Variants in NEDD4 observed in about 807,000 individuals in gnomAD.
The protein encoded by NEDD4 is E3 ubiquitin-protein ligase NEDD4.
NEDD4 carries 99 observed loss-of-function variants against 144.9 expected under a neutral mutation model. The observed-to-expected ratio is 0.68, with a 90% confidence interval of 0.58 to 0.81. The LOEUF is 0.81. Among genes scored for constraint, NEDD4 ranks in the 30% least tolerant of loss-of-function variants. NEDD4 has a pLI of 0.00. For missense variants in NEDD4, 985 were observed against 1,065.9 expected (o/e 0.92, Z 1.06); for synonymous variants, 318 against 350.6 (o/e 0.91, Z 1.04).
chr15:55,885,459 T>A (rs1222273144), intron 5 of NEDD4, among the ~76,000 whole-genome samples: 1 of 152,046 alleles, frequency 6.6e-6, no homozygotes, highest in Non-Finnish European at 1.5e-5. Context: ...GTAGAAAGAC[T>A]AAAAGATGAA....
At chr15:55,916,089 A>G (rs2036433135) in intron 5 of NEDD4, 2 of 1,614,000 alleles carry the variant, frequency 1.2e-6, no homozygotes, top group African/African-American at 2.7e-5. Context: ...TGGCAATTTC[A>G]TAATCTCTAA....
chr15:55,832,893 T>C (rs2033020724), intron 27 of NEDD4, 115 bp downstream of exon 27: 5 of 697,338 alleles, frequency 7.2e-6, no homozygotes, highest in Non-Finnish European at 1.2e-5. Context: ...AAATCTTAAT[T>C]CTTTTTAAAA....
intron 26 of NEDD4, 46 bp from the exon 27 acceptor site, chr15:55,833,150 G>T: frequency 1.7e-6 from 2 of 1,203,640 alleles, no homozygotes; most frequent in Non-Finnish European, 2.4e-6. Context: ...CTGGGAAAGA[G>T]GTAAACAAAT....
In NEDD4 at chr15:55,913,938, T is replaced by G. The variant is rs2036352429; in HGVS notation, c.291+10708A>C. On this transcript the variant is annotated intron_variant, in intron 5 of 28. Coordinates refer to ENST00000435532, the MANE Select transcript of NEDD4 (RefSeq NM_006154.4). ...ATTAACGTTTCTTCTCAGTGCCACT[T>G]CATTTCTTTCTTTCAGGAAGAAAAA... Among the ~76,000 whole-genome samples the G allele has an allele frequency of 2.6e-5, 4 of 152,106 alleles. No individual in the cohort carries two copies. In the South Asian group the frequency reaches 8.3e-4, roughly 32 times the overall value.
In NEDD4 at chr15:55,860,511, G is replaced by C. The variant is rs774667888; in HGVS notation, c.856C>G (p.Pro286Ala). ...MYSNQAFPSP[P>A]PSSNLDVPTH... is the part of the protein sequence containing the mutation. The stretch of plus-strand genomic sequence containing the variant: ...GGAACATCCAAGTTACTTGACGGTG[G>C]AGGTGATGGGAAGGCCTGGTTGCTA... Residue 286 changes from proline to alanine, a missense_variant, in exon 11 of 29, where the codon CCA (proline) becomes GCA (alanine). Pro to Ala is a conservative substitution (Grantham distance 27). Transcript: ENST00000435532. 2 of 1,614,110 alleles carry C rather than the reference G, an allele frequency of 1.2e-6. No homozygotes were observed. The highest frequency in any genetic ancestry group is 1.1e-5 in the South Asian group (1 of 91,080).
intron 20 of NEDD4, 40 bp downstream of exon 20, chr15:55,840,566 C>A (rs201328988): frequency 1.9e-5 from 31 of 1,612,994 alleles, no homozygotes; most frequent in Middle Eastern, 3.3e-4. Context: ...TGAAAGAAAA[C>A]AGGTAATTAT....
intron 4 of NEDD4, among the ~76,000 whole-genome samples, chr15:55,936,698 C>A (rs1234624169): frequency 6.6e-6 from 1 of 152,098 alleles, no homozygotes; most frequent in Non-Finnish European, 1.5e-5. Context: ...TTCTTATGCA[C>A]AGAGTAAATA....
Position 55,838,492 on chromosome 15 carries a change from G to C in NEDD4, c.2127+17C>G. ...TCACAATTTATGTGCCATTTTAACT[G>C]ATCAAAATTCACAAACCTGTCCAAA... On this transcript the variant is annotated intron_variant, in intron 22 of 28. Transcript: ENST00000435532. 6.4e-7 allele frequency: 1 copy of C among 1,554,296 alleles called. No individual in the cohort carries two copies. The highest frequency in any genetic ancestry group is 8.9e-7 in the Non-Finnish European group (1 of 1,127,052).
At chr15:55,901,000 T>C (rs1381732434) in intron 5 of NEDD4, among the ~76,000 whole-genome samples, 1 of 152,186 alleles carries the variant, frequency 6.6e-6, no homozygotes, top group Non-Finnish European at 1.5e-5. Flanking sequence ...TTTTCACATA[T>C]AATAAACTCA....
rs202095078 is a variant in NEDD4 at position 55,852,451 on chromosome 15, C to T, written c.1119G>A (p.Thr373=). 1.9e-4 allele frequency: 310 copies of T among 1,611,962 alleles called. 1 individual carries two copies. Among genetic ancestry groups the T allele is most frequent in the Non-Finnish European group, 2.6e-4 (306 of 1,178,924 alleles). Reference sequence around the variant, plus strand: ...GTACAGTGGGCTTTGTCCAAGTAGTCGTTCTGGAATTGTGATCTACATAAT... The same window carrying T: ...GTACAGTGGGCTTTGTCCAAGTAGTTGTTCTGGAATTGTGATCTACATAAT... ...RSYYVDHNSR[T]TTWTKPTVQA... The change falls in exon 13 of 29, where the codon ACG becomes ACA. Residue 373 remains threonine (T), a synonymous_variant. Coordinates refer to ENST00000435532, the MANE Select transcript of NEDD4 (RefSeq NM_006154.4).
intron 27 of NEDD4, among the ~76,000 whole-genome samples, chr15:55,831,573 A>C (rs1309838814): frequency 6.6e-6 from 1 of 152,218 alleles, no homozygotes; most frequent in Non-Finnish European, 1.5e-5. Flanking sequence ...ATCAAGTCCA[A>C]TTAGGCAAAG....
chr15:55,859,244 A>T (rs1290522382), intron 11 of NEDD4, among the ~76,000 whole-genome samples: 1 of 152,206 alleles, frequency 6.6e-6, no homozygotes, highest in Non-Finnish European at 1.5e-5. Flanking sequence ...TGAAGTTCTC[A>T]TCGTGGAAGC....
intron 12 of NEDD4, among the ~76,000 whole-genome samples, chr15:55,852,770 G>A (rs1240398711): frequency 1.3e-5 from 2 of 151,328 alleles, no homozygotes; most frequent in African/African-American, 4.9e-5. Context: ...GACAGAGAGA[G>A]ACAGGGTCTT....
intron 14 of NEDD4, 71 bp from the exon 15 acceptor site, chr15:55,848,957 G>C (rs1320750764): frequency 2.6e-6 from 3 of 1,158,946 alleles, no homozygotes; most frequent in Non-Finnish European, 3.9e-6. Flanking sequence ...CTGTTACCAT[G>C]TTTTCTAACA....
In NEDD4 at chr15:55,916,034, TA is replaced by T. The variant is rs1417559194; in HGVS notation, c.291+8611del. 2.5e-6 allele frequency: 4 copies of T among 1,613,908 alleles called. No individual in the cohort carries two copies. The South Asian group carries it at 4.4e-5, about 18-fold the overall frequency. ...TTGAAGGACTCCTAGGAAAAATGAC[TA>T]AGGAGGAGTAACGTTTTAGTGGAAT... On this transcript the variant is annotated intron_variant, in intron 5 of 28. Transcript: ENST00000435532.
At chr15:55,850,497 T>C in intron 14 of NEDD4, 45 bp downstream of exon 14, 2 of 1,565,288 alleles carry the variant, frequency 1.3e-6, no homozygotes, top group South Asian at 2.2e-5. Flanking sequence ...ACATAAGAGA[T>C]GATTATTGTT....
chr15:55,830,548 C>T lies in NEDD4; in HGVS notation c.2566G>A (p.Gly856Ser). Residue 856 changes from glycine to serine, a missense_variant, in exon 28 of 29, where the codon GGT becomes AGT. Gly to Ser is a moderately conservative substitution (Grantham distance 56, BLOSUM62 0). Coordinates refer to ENST00000435532, the MANE Select transcript of NEDD4 (RefSeq NM_006154.4). Reference sequence around the variant, plus strand: ...GCTCTTGGCAGCTTTTCAGGAGTACCCCACTGTTCAACTGTAAATGACTGT... The same window carrying T: ...GCTCTTGGCAGCTTTTCAGGAGTACTCCACTGTTCAACTGTAAATGACTGT... ...GPQSFTVEQW[G>S]TPEKLPRAHT... The T allele has an allele frequency of 1.2e-6, 2 of 1,614,046 alleles. No homozygotes were observed. The highest frequency in any genetic ancestry group is 1.7e-6 in the Non-Finnish European group (2 of 1,179,936).
intron 5 of NEDD4, among the ~76,000 whole-genome samples, chr15:55,888,918 C>T (rs2035476844): frequency 6.6e-6 from 1 of 152,150 alleles, no homozygotes; most frequent in Admixed American, 6.5e-5. Context: ...ACAAACTAGA[C>T]TCCTATTTCT....
intron 8 of NEDD4, among the ~76,000 whole-genome samples, chr15:55,867,807 G>A (rs1258168668): frequency 6.6e-6 from 1 of 152,210 alleles, no homozygotes; most frequent in African/African-American, 2.4e-5. Flanking sequence ...TGTAGTCCCA[G>A]CACTTTGGGA....
Sources: gnomAD v4.1 joint callset for allele counts (sites outside exome capture counted in the v4.1 genomes callset) on GRCh38, gnomAD v4.1.1 for gene constraint, MANE v1.5 for transcripts, NCBI Gene and HGNC (gene_info 2026-07-23, HGNC 2026-07-21) for gene names.